Variants in MEGF6 observed in about 807,000 individuals in gnomAD.
MEGF6 encodes the protein multiple EGF like domains 6.
Under a neutral mutation model 207.1 loss-of-function variants are expected in MEGF6, and 184 were observed. The ratio of observed to expected loss-of-function variants is 0.89; its 90% CI spans 0.79 to 1.00. The LOEUF is 1.00. Ranked by LOEUF, MEGF6 falls within the 50% of genes least tolerant of loss-of-function variation. The pLI, the probability that MEGF6 is intolerant of heterozygous loss-of-function variation, is 0.00. For missense variants in MEGF6, 2,282 were observed against 2,202.9 expected, an observed-to-expected ratio of 1.04 and a Z score of -0.72; for synonymous variants, 1,038 against 910.0, an observed-to-expected ratio of 1.14 and a Z score of -2.53.
chr1:3,495,095 C>T (rs1385781716), intron 30 of MEGF6, among the ~76,000 whole-genome samples: 1 of 152,198 alleles, frequency 6.6e-6, no homozygotes, highest in Non-Finnish European at 1.5e-5. Flanking sequence ...GAAGGCACAT[C>T]CTTCAGGCCT....
chr1:3,578,156 G>GGAA (rs1643694014), intron 4 of MEGF6, among the ~76,000 whole-genome samples: 1 of 151,926 alleles, frequency 6.6e-6, no homozygotes, highest in Non-Finnish European at 1.5e-5. Flanking sequence ...CCTCCTCCTC[G>GGAA]CCCTCCCCTA....
intron 10 of MEGF6, among the ~76,000 whole-genome samples, chr1:3,510,221 C>T (rs1250530489): frequency 6.6e-6 from 1 of 152,144 alleles, no homozygotes; most frequent in Non-Finnish European, 1.5e-5. Flanking sequence ...GGGGGCCAGG[C>T]TGGGAGGGGC....
At chr1:3,553,727 C>T (rs374971163) in intron 4 of MEGF6, among the ~76,000 whole-genome samples, 1 of 152,228 alleles carries the variant, frequency 6.6e-6, no homozygotes, top group African/African-American at 2.4e-5. Context: ...GAGTCCACCA[C>T]GAGTGGCTCC....
chr1:3,514,018 G>A (rs1368019151), intron 7 of MEGF6, among the ~76,000 whole-genome samples: 2 of 152,058 alleles, frequency 1.3e-5, no homozygotes, highest in African/African-American at 2.4e-5. Context: ...GGAGGCCGAG[G>A]CGGGCGGATC....
chr1:3,501,051 G>T lies in MEGF6; in HGVS notation c.2490C>A (p.Cys830Ter). The T allele has an allele frequency of 6.2e-7, 1 of 1,612,784 alleles. No homozygotes were observed. Among genetic ancestry groups the T allele is most frequent in the Non-Finnish European group, 8.5e-7 (1 of 1,179,954 alleles). Residue 830 changes from cysteine to a stop codon, truncating the protein, a stop_gained, in exon 20 of 37, where the codon TGC becomes TGA. Transcript: ENST00000356575. LOFTEE classifies it high-confidence loss of function. ...GWYGPSCQTR[C>*]SCANDGHCHP... ...GGCAGTGCCCATCATTGGCACAAGA[G>T]CACCTTGTCTGGCAGCTGGGACCAT...
At position 3,490,480 on chromosome 1, in the gene MEGF6, T is replaced by C. The variant is rs1206852464; in HGVS notation, c.*48A>G. 1.3e-6 allele frequency: 2 copies of C among 1,596,544 alleles called. No individual in the cohort carries two copies. Among genetic ancestry groups the C allele is most frequent in the Non-Finnish European group, 1.7e-6 (2 of 1,167,304 alleles). On this transcript the variant is annotated 3_prime_UTR_variant, in exon 37 of 37. Transcript: ENST00000356575. ...TCTCAGTGGTCACCAAAGGCCAGGG[T>C]CCCCTCTGGCTGGGACTGGAGAGGC...
Position 3,509,996 on chromosome 1 carries a change from CG to C in MEGF6, c.1235-5del. Reference sequence around the variant, plus strand: ...CTGGAGGCGCACTCATCCACATCTGCGGGCGACCCGGGACCACTGAGGCCTG... The same window carrying C: ...CTGGAGGCGCACTCATCCACATCTGCGGCGACCCGGGACCACTGAGGCCTG... On this transcript the variant is annotated splice_polypyrimidine_tract_variant and splice_region_variant and intron_variant, in intron 10 of 36. Transcript: ENST00000356575. The C allele has an allele frequency of 6.3e-7, 1 of 1,581,108 alleles. No homozygotes were observed. The highest frequency in any genetic ancestry group is 1.1e-5 in the South Asian group (1 of 87,124).
At chr1:3,494,534 C>CT (rs1557712526) in intron 31 of MEGF6, 35 bp from the exon 32 acceptor site, 6 of 1,569,802 alleles carry the variant, frequency 3.8e-6, no homozygotes, top group Non-Finnish European at 5.2e-6. Flanking sequence ...TCCTTCGGCA[C>CT]CAGCCTTGCC....
At chr1:3,500,048 G>A in intron 21 of MEGF6, 124 bp from the exon 22 acceptor site, 1 of 1,360,104 alleles carries the variant, frequency 7.4e-7, no homozygotes, top group Non-Finnish European at 9.7e-7. Context: ...GCCCCTTCCT[G>A]CCCAAGGGAG....
intron 35 of MEGF6, among the ~76,000 whole-genome samples, 169 bp from the exon 36 acceptor site, chr1:3,491,128 T>TG (rs34728586): frequency 0.035 from 4,626 of 130,320 alleles, 90 homozygotes; most frequent in South Asian, 0.055. Context: ...GGGCGGGAGC[T>TG]GGGGGGGGGG....
chr1:3,616,744 C>G, the MEGF6 span, among the ~76,000 whole-genome samples: 70 of 152,348 alleles, frequency 4.6e-4, no homozygotes, highest in African/African-American at 1.6e-3. Flanking sequence ...GTGAAAAGAT[C>G]AATCTGTGGC....
In MEGF6 at chr1:3,595,557, A is replaced by C. The variant is rs1376292840; in HGVS notation, c.267-110T>G. The C allele has an allele frequency of 3.3e-6, 3 of 903,362 alleles. No individual in the cohort carries two copies. The East Asian group carries it at 7.8e-5, about 24-fold the overall frequency. The allele number at this position is 903,362 out of a possible 1,614,324, so 56.0% of individuals were successfully genotyped here. ...CTGCGTCAGCCGGGTTCCCGGCGGC[A>C]CAGGCTGCAGCACCAAGGTTCCTGG... On this transcript the variant is annotated intron_variant, in intron 2 of 36. Transcript: ENST00000356575.
At chr1:3,567,527 T>G (rs1643378068) in intron 4 of MEGF6, among the ~76,000 whole-genome samples, 1 of 150,210 alleles carries the variant, frequency 6.7e-6, no homozygotes, top group East Asian at 2.0e-4. Flanking sequence ...AGCATGGACA[T>G]GCCCCCCCCA....
chr1:3,525,580 C>T (rs375804117), intron 4 of MEGF6, among the ~76,000 whole-genome samples: 40 of 152,350 alleles, frequency 2.6e-4, no homozygotes, highest in African/African-American at 9.6e-4. Context: ...CGCCTCCCAT[C>T]ACAGGACACC....
At chr1:3,553,058 G>A (rs1642932797) in intron 4 of MEGF6, among the ~76,000 whole-genome samples, 1 of 152,098 alleles carries the variant, frequency 6.6e-6, no homozygotes, top group South Asian at 2.1e-4. Context: ...GGTGGCCAGG[G>A]GCCTCAAAGG....
At position 3,590,116 on chromosome 1, in the gene MEGF6, G is replaced by A. The variant is rs79749539; in HGVS notation, c.376+5222C>T. ...CAGCACAGCCCGTATGAGGAGTTGC[G>A]GGGTACAGGGGGCTGCAGGCAGGGT... On this transcript the variant is annotated intron_variant, in intron 3 of 36. Coordinates refer to ENST00000356575, the MANE Select transcript of MEGF6 (RefSeq NM_001409.4). 1.3e-3 allele frequency among the ~76,000 whole-genome samples: 203 copies of A among 152,336 alleles called. 4 individuals are homozygous for A. In the East Asian group the frequency reaches 0.032, roughly 24 times the overall value.
At chr1:3,595,219 G>C in intron 3 of MEGF6, 119 bp downstream of exon 3, 1 of 672,156 alleles carries the variant, frequency 1.5e-6, no homozygotes, top group Non-Finnish European at 2.5e-6. Flanking sequence ...AGTGTTCCCT[G>C]AGTCTCTCGT....
chr1:3,568,190 C>T (rs899516494), intron 4 of MEGF6, among the ~76,000 whole-genome samples: 2 of 152,154 alleles, frequency 1.3e-5, no homozygotes, highest in African/African-American at 2.4e-5. Context: ...TGCAGAGGCT[C>T]CCAGAGATTC....
Position 3,501,285 on chromosome 1 carries a change from GC to G in MEGF6, c.2337del (p.Leu780TrpfsTer192). On this transcript the variant is annotated frameshift_variant, in exon 19 of 37. Transcript: ENST00000356575. LOFTEE classifies it high-confidence loss of function. Reference sequence around the variant, plus strand: ...GCTGGGCAGATCTCCTGGCAGCCCAGCCCCCAGCGGCCCTCGGGACAATCTA... The same window carrying G: ...GCTGGGCAGATCTCCTGGCAGCCCAGCCCCAGCGGCCCTCGGGACAATCTA... ...CEADCPEGRW[G>X]LGCQEICPAC... The G allele has an allele frequency of 4.4e-6, 7 of 1,602,060 alleles. No individual in the cohort carries two copies. The highest frequency in any genetic ancestry group is 5.1e-6 in the Non-Finnish European group (6 of 1,175,070).
Sources: allele counts gnomAD v4.1 joint callset (sites outside exome capture counted in the v4.1 genomes callset), GRCh38; gene constraint gnomAD v4.1.1; transcripts MANE v1.5; gene names NCBI Gene and HGNC (gene_info 2026-07-23, HGNC 2026-07-21).